RRBP1: variants seen among roughly 807,000 people sequenced by gnomAD.
RRBP1 encodes ribosome-binding protein 1.
In RRBP1, 94 loss-of-function variants were observed where a neutral mutation model predicts 165.2. The observed-to-expected ratio is 0.57, with a 90% CI of 0.48 to 0.68. RRBP1 has a LOEUF of 0.68. Ranked by LOEUF, RRBP1 falls within the 30% of genes least tolerant of loss-of-function variation. RRBP1 has a pLI of 0.00. For synonymous variants in RRBP1, 680 were observed against 714.5 expected (o/e 0.95, Z 0.77); for missense variants, 1,676 against 1,763.0 (o/e 0.95, Z 0.88).
rs1056564769 is a variant in RRBP1 at position 17,625,137 on chromosome 20, G to A, written c.3054+375C>T. Among the ~76,000 whole-genome samples, 11 of 152,104 alleles carry A rather than the reference G, an allele frequency of 7.2e-5. No homozygotes were observed. In the South Asian group the frequency reaches 1.2e-3, roughly 17 times the overall value. ...GAGAAGGGGGCAGGAGGGTGTGGCC[G>A]AGGCCACACCAGGACAGCAGGCATG... On this transcript the variant is annotated intron_variant, in intron 12 of 24. Coordinates refer to ENST00000377813, the MANE Select transcript of RRBP1 (RefSeq NM_001365613.2).
intron 5 of RRBP1, among the ~76,000 whole-genome samples, chr20:17,639,626 G>C (rs1051253714): frequency 2.8e-4 from 42 of 152,232 alleles, no homozygotes; most frequent in African/African-American, 9.9e-4. Context: ...AGGGACGGTG[G>C]CTCGCAGCTG....
At chr20:17,680,118 T>C (rs2037152418) in intron 1 of RRBP1, 43 bp from the exon 2 acceptor site, 1 of 152,220 alleles carries the variant, frequency 6.6e-6, no homozygotes, top group Admixed American at 6.5e-5. Flanking sequence ...GGAGTGACCT[T>C]TGGCAAGTTC....
At chr20:17,676,894 CA>C (rs2037092671) in intron 2 of RRBP1, among the ~76,000 whole-genome samples, 1 of 152,104 alleles carries the variant, frequency 6.6e-6, no homozygotes, top group Non-Finnish European at 1.5e-5. Flanking sequence ...ACTACAGGCA[CA>C]TGCCACCATG....
intron 3 of RRBP1, among the ~76,000 whole-genome samples, chr20:17,648,228 G>A (rs2036499193): frequency 1.3e-5 from 2 of 152,240 alleles, no homozygotes; most frequent in Non-Finnish European, 2.9e-5. Flanking sequence ...CTAACTGCTC[G>A]TTCTTGGACT....
chr20:17,616,902 C>T, intron 20 of RRBP1, 63 bp from the exon 21 acceptor site: 4 of 1,270,498 alleles, frequency 3.1e-6, no homozygotes, highest in East Asian at 4.7e-5. Context: ...ATGCTCACTC[C>T]TGCAGGGACC....
chr20:17,673,049 T>A (rs149176594), intron 2 of RRBP1, among the ~76,000 whole-genome samples: 2 of 152,348 alleles, frequency 1.3e-5, no homozygotes, highest in East Asian at 3.9e-4. Context: ...ATCTGCTGGT[T>A]AAACAGGCAT....
chr20:17,615,377 G>T, intron 23 of RRBP1, 54 bp downstream of exon 23: 2 of 1,422,964 alleles, frequency 1.4e-6, no homozygotes, highest in Non-Finnish European at 1.9e-6. Context: ...CAAGAGTGGC[G>T]CCAGCCCCAG....
In RRBP1 at chr20:17,665,457, T is replaced by C. The variant is rs191636156; in HGVS notation, c.-21-4929A>G. On this transcript the variant is annotated intron_variant, in intron 2 of 24. Transcript: ENST00000377813. Reference sequence around the variant, plus strand: ...CATGATCCTGGCTCACTGCAACCTCTGCCTCTCAGGTTCAAGCCATTCTTG... The same window carrying C: ...CATGATCCTGGCTCACTGCAACCTCCGCCTCTCAGGTTCAAGCCATTCTTG... Among the ~76,000 whole-genome samples, 192 of 152,308 alleles carry C rather than the reference T, an allele frequency of 1.3e-3. 1 individual carries two copies. Among genetic ancestry groups the C allele is most frequent in the African/African-American group, 4.5e-3 (189 of 41,556 alleles).
At chr20:17,679,010 C>T (rs977535338) in intron 2 of RRBP1, among the ~76,000 whole-genome samples, 6 of 152,164 alleles carry the variant, frequency 3.9e-5, no homozygotes, top group African/African-American at 1.2e-4. Context: ...GTAATTATTG[C>T]CCCAGGAAGG....
chr20:17,659,813 G>T lies in RRBP1; in HGVS notation c.695C>A (p.Thr232Lys), dbSNP rs1227354147. The T allele has an allele frequency of 6.4e-7, 1 of 1,550,786 alleles. No homozygotes were observed. The highest frequency in any genetic ancestry group is 1.2e-5 in the South Asian group (1 of 84,046). The change falls in exon 3 of 25, where the codon ACA (threonine) becomes AAA (lysine). Residue 232 changes from threonine to lysine, a missense_variant. By Grantham distance (78) the Thr-to-Lys change is moderately conservative. Coordinates refer to ENST00000377813, the MANE Select transcript of RRBP1 (RefSeq NM_001365613.2). ...TTTCCCTTGGTTTGGGGTTCCCTCT[G>T]TCTTTTTGCCCTGGTTTGGGGTTCC... ...AEGTPNQGKK[T>K]EGTPNQGKKA...
At chr20:17,668,901 T>A (rs1337492752) in intron 2 of RRBP1, among the ~76,000 whole-genome samples, 4 of 152,166 alleles carry the variant, frequency 2.6e-5, no homozygotes, top group Non-Finnish European at 5.9e-5. Context: ...TTTCCCTACC[T>A]TGTGAATGCA....
chr20:17,670,908 C>A (rs2036964872), intron 2 of RRBP1, among the ~76,000 whole-genome samples: 1 of 152,220 alleles, frequency 6.6e-6, no homozygotes, highest in Non-Finnish European at 1.5e-5. Flanking sequence ...TTTTCAAGTA[C>A]TGGCTCTGTC....
chr20:17,621,835 G>A lies in RRBP1; in HGVS notation c.3240+20C>T, dbSNP rs371608257. The stretch of plus-strand genomic sequence containing the variant: ...TCCCTGAGAACTGTGAGGTCCCCGG[G>A]AACCACCCTCCCCTCCTACCTGTTG... On this transcript the variant is annotated intron_variant, in intron 14 of 24. Coordinates refer to ENST00000377813, the MANE Select transcript of RRBP1 (RefSeq NM_001365613.2). The A allele has an allele frequency of 4.3e-6, 7 of 1,613,078 alleles. No individual in the cohort carries two copies. The Admixed American group carries it at 6.7e-5, about 15-fold the overall frequency.
At chr20:17,658,484 C>T (rs55797245) in intron 3 of RRBP1, 112 bp downstream of exon 3, 30,642 of 891,142 alleles carry the variant, frequency 0.034, 1,886 homozygotes, top group African/African-American at 0.23. Context: ...GTTTGTTACG[C>T]AGCCTTATTA....
chr20:17,630,000 A>T (rs769704543), intron 8 of RRBP1, 39 bp from the exon 9 acceptor site: 3 of 1,576,544 alleles, frequency 1.9e-6, no homozygotes, highest in Non-Finnish European at 2.6e-6. Context: ...GAAGACGTGG[A>T]AGGACCAGGC....
chr20:17,655,214 T>C (rs200839807), intron 3 of RRBP1, among the ~76,000 whole-genome samples: 2 of 152,160 alleles, frequency 1.3e-5, no homozygotes, highest in East Asian at 3.9e-4. Flanking sequence ...TAACATTTCT[T>C]ATAGAAACCA....
rs1192403171 is a variant in RRBP1 at position 17,613,940 on chromosome 20, C to T, written c.*242G>A. 11 of 498,244 alleles carry T rather than the reference C, an allele frequency of 2.2e-5. No homozygotes were observed. Among genetic ancestry groups the T allele is most frequent in the East Asian group, 3.3e-5 (1 of 30,452 alleles). 30.9% of individuals were successfully genotyped at this position (498,244 alleles called of 1,614,324 possible). ...AGTCAACCAGGGCTTTGGCGTCACT[C>T]GGCGGTGGCCCGGGGCTGCGCCCAG... On this transcript the variant is annotated 3_prime_UTR_variant, in exon 25 of 25. Transcript: ENST00000377813.
intron 2 of RRBP1, among the ~76,000 whole-genome samples, chr20:17,669,686 T>C (rs921207292): frequency 1.3e-5 from 2 of 152,154 alleles, no homozygotes; most frequent in Admixed American, 1.3e-4. Context: ...GTTTTCAGAG[T>C]TACTTCTTAG....
intron 3 of RRBP1, among the ~76,000 whole-genome samples, chr20:17,647,703 T>C (rs1600757508): frequency 6.6e-6 from 1 of 152,148 alleles, no homozygotes; most frequent in Admixed American, 6.5e-5. Flanking sequence ...TGAAACAGCA[T>C]GGACTTGAGG....
Sources: allele counts gnomAD v4.1 joint callset (sites outside exome capture counted in the v4.1 genomes callset), GRCh38; gene constraint gnomAD v4.1.1; transcripts MANE v1.5; gene names NCBI Gene and HGNC (gene_info 2026-07-23, HGNC 2026-07-21).